The following PRDM16 variants were observed in gnomAD, a reference collection of about 807,000 sequenced individuals.
PRDM16 encodes the protein histone-lysine N-methyltransferase PRDM16.
A neutral mutation model predicts 110.6 loss-of-function variants in PRDM16; 23 were observed. The ratio of observed to expected loss-of-function variants is 0.21; its 90% CI spans 0.15 to 0.29. The LOEUF (loss-of-function observed/expected upper bound fraction) is 0.29, where lower values mean the gene tolerates loss of function less well. PRDM16 is among the 10% of genes least tolerant of loss of function. The pLI is 1.00. For synonymous variants in PRDM16, 799 were observed against 781.8 expected (o/e 1.02, Z -0.37); for missense variants, 1,615 against 1,794.3 (o/e 0.90, Z 1.81).
chr1:3,321,332 G>C (rs1178936380), intron 3 of PRDM16, among the ~76,000 whole-genome samples: 1 of 152,076 alleles, frequency 6.6e-6, no homozygotes, highest in Non-Finnish European at 1.5e-5. Context: ...GTCCGTGTGT[G>C]TGTGTACATT....
At chr1:3,130,465 T>C (rs1322207814) in intron 1 of PRDM16, among the ~76,000 whole-genome samples, 1 of 152,094 alleles carries the variant, frequency 6.6e-6, no homozygotes, top group East Asian at 1.9e-4. Flanking sequence ...TTTGGAAACA[T>C]GTGGAGACCT....
rs1557617161 is a variant in PRDM16, at chr1:3,335,636, CA to C, written c.439-49515del. Among the ~76,000 whole-genome samples the C allele has an allele frequency of 1.7e-4, 26 of 152,060 alleles. No individual in the cohort carries two copies. In the East Asian group the frequency reaches 1.9e-3, roughly 11 times the overall value. On this transcript the variant is annotated intron_variant, in intron 3 of 16. Transcript: ENST00000270722. ...ACACACACACACACACACACACACA[CA>C]CACACCCTTGGACATAAATCTGCAA...
rs1372874397 is a variant in PRDM16, at chr1:3,358,496, C to T, written c.439-26656C>T. Among the ~76,000 whole-genome samples the T allele has an allele frequency of 2.0e-5, 3 of 152,148 alleles. No individual in the cohort carries two copies. The highest frequency in any genetic ancestry group is 4.4e-5 in the Non-Finnish European group (3 of 68,034). ...CGCCCCAGACTCCCAGCCGCGGCTTCGGATGCAGCTGGAATAAGGTTCCAG... is the reference window on the plus strand; with the variant it reads ...CGCCCCAGACTCCCAGCCGCGGCTTTGGATGCAGCTGGAATAAGGTTCCAG... On this transcript the variant is annotated intron_variant, in intron 3 of 16. Coordinates refer to ENST00000270722, the MANE Select transcript of PRDM16 (RefSeq NM_022114.4). This position sits in a 1 kb window ranked among gnomAD's most constrained non-coding sequence, Gnocchi z 4.0.
chr1:3,224,902 T>C (rs574929267), intron 2 of PRDM16, among the ~76,000 whole-genome samples: 1 of 152,350 alleles, frequency 6.6e-6, no homozygotes, highest in African/African-American at 2.4e-5. Context: ...TGCTCCTTCC[T>C]GTTGGACGCA....
intron 1 of PRDM16, among the ~76,000 whole-genome samples, chr1:3,110,829 G>T (rs1288651426): frequency 6.6e-6 from 1 of 152,198 alleles, no homozygotes; most frequent in African/African-American, 2.4e-5. Flanking sequence ...CCACGTGTGA[G>T]GGGCACATGC....
At position 3,069,573 on chromosome 1, in the gene PRDM16, C is replaced by A. The variant is rs1641694720; in HGVS notation, c.37+277C>A. Among the ~76,000 whole-genome samples, 1 of 149,554 alleles carries A rather than the reference C, an allele frequency of 6.7e-6. No individual in the cohort carries two copies. Among genetic ancestry groups the A allele is most frequent in the South Asian group, 2.1e-4 (1 of 4,796 alleles). On this transcript the variant is annotated intron_variant, in intron 1 of 16. Coordinates refer to ENST00000270722, the MANE Select transcript of PRDM16 (RefSeq NM_022114.4). The surrounding 1 kb of genome is among the most constrained non-coding windows in gnomAD (Gnocchi z 6.1). ...CCCCCACCAGTGTCAGGCGCTCGGGCCCGGGAACCCGAGGCGCGCGGTGGG... is the reference window on the plus strand; with the variant it reads ...CCCCCACCAGTGTCAGGCGCTCGGGACCGGGAACCCGAGGCGCGCGGTGGG...
At chr1:3,229,989 C>T (rs74811628) in intron 2 of PRDM16, among the ~76,000 whole-genome samples, 2,639 of 152,306 alleles carry the variant, frequency 0.017, 77 homozygotes, top group African/African-American at 0.06. Context: ...GCTGCCCTGG[C>T]GCCCGCGTTT....
intron 3 of PRDM16, among the ~76,000 whole-genome samples, chr1:3,268,580 C>T (rs1179743252): frequency 6.6e-6 from 1 of 152,154 alleles, no homozygotes; most frequent in Non-Finnish European, 1.5e-5. Flanking sequence ...AGCCTTCACC[C>T]TCATTCCTAT....
intron 3 of PRDM16, among the ~76,000 whole-genome samples, chr1:3,335,456 C>T (rs773226330): frequency 6.6e-6 from 1 of 152,128 alleles, no homozygotes; most frequent in Non-Finnish European, 1.5e-5. Context: ...GTTAGCACGT[C>T]GCATGTCCGA....
At chr1:3,349,014 G>A (rs138644365) in intron 3 of PRDM16, among the ~76,000 whole-genome samples, 425 of 152,226 alleles carry the variant, frequency 2.8e-3, no homozygotes, top group Non-Finnish European at 5.1e-3. Flanking sequence ...CTGTGCTCCT[G>A]CCTTTGGTGG....
chr1:3,224,067 C>T (rs918129406), intron 2 of PRDM16, among the ~76,000 whole-genome samples: 4 of 152,180 alleles, frequency 2.6e-5, no homozygotes, highest in Admixed American at 1.3e-4. Context: ...GGCGGCCATA[C>T]ATCAGCCGGC....
chr1:3,356,931 G>A (rs1173570263), intron 3 of PRDM16, among the ~76,000 whole-genome samples: 2 of 152,182 alleles, frequency 1.3e-5, no homozygotes, highest in Non-Finnish European at 2.9e-5. Context: ...TGAGAGCCGG[G>A]TGGCTTTGCT....
chr1:3,186,457 A>G lies in PRDM16; in HGVS notation c.370A>G (p.Thr124Ala), dbSNP rs1454819058. 1.3e-6 allele frequency: 2 copies of G among 1,540,470 alleles called. No homozygotes were observed. Among genetic ancestry groups the G allele is most frequent in the Admixed American group, 2.1e-5 (1 of 48,304 alleles). The change falls in exon 2 of 17, where the codon ACA becomes GCA. Residue 124 changes from threonine (T) to alanine (A), a missense_variant. This residue lies in a region of PRDM16 where 416 missense variants were observed against 467.1 expected (regional missense o/e 0.89). Coordinates refer to ENST00000270722, the MANE Select transcript of PRDM16 (RefSeq NM_022114.4). Reference protein sequence around the residue: ...VVVPRAAAKETDFGWEQILTD... With the variant: ...VVVPRAAAKEADFGWEQILTD... ...GGTGCCCCGGGCGGCGGCAAAGGAG[A>G]CAGACTTCGGATGGGAGGTGAGCGA...
At chr1:3,125,726 T>C (rs1049293242) in intron 1 of PRDM16, among the ~76,000 whole-genome samples, 4 of 152,206 alleles carry the variant, frequency 2.6e-5, no homozygotes. Flanking sequence ...GGTTGGGCCA[T>C]TTGTAACGAG....
Position 3,213,385 on chromosome 1 carries a change from G to A in PRDM16, c.387+26911G>A, listed in dbSNP as rs895781473. Among the ~76,000 whole-genome samples the A allele has an allele frequency of 6.6e-6, 1 of 152,134 alleles. No individual in the cohort carries two copies. The highest frequency in any genetic ancestry group is 1.5e-5 in the Non-Finnish European group (1 of 68,038). On this transcript the variant is annotated intron_variant, in intron 2 of 16. Transcript: ENST00000270722. This position sits in a 1 kb window ranked among gnomAD's most constrained non-coding sequence, Gnocchi z 5.3. ...AGAGGGGTGTGGGGGCGGGATGGCG[G>A]GTCCTGGGCGTCTCGGCTCCGCCAT...
chr1:3,364,129 TC>T (rs767979510), intron 3 of PRDM16, among the ~76,000 whole-genome samples: 124 of 152,164 alleles, frequency 8.1e-4, no homozygotes, highest in Middle Eastern at 3.4e-3. Context: ...GCAGCCTCAG[TC>T]CTCCGAGAGC....
intron 1 of PRDM16, among the ~76,000 whole-genome samples, chr1:3,083,286 C>T (rs1269980382): frequency 3.9e-5 from 6 of 152,210 alleles, no homozygotes; most frequent in Admixed American, 1.3e-4. Context: ...GGCTGGGCCC[C>T]GGAACTGCAC....
intron 3 of PRDM16, among the ~76,000 whole-genome samples, chr1:3,299,443 G>A (rs79919700): frequency 3.8e-5 from 4 of 105,506 alleles, no homozygotes; most frequent in East Asian, 8.4e-4. Context: ...GATCCCAGTC[G>A]TGGTGACTCT....
intron 9 of PRDM16, among the ~76,000 whole-genome samples, chr1:3,414,251 G>C (rs1643742542): frequency 6.6e-6 from 1 of 152,208 alleles, no homozygotes; most frequent in African/African-American, 2.4e-5. Flanking sequence ...CTGGCAGCCA[G>C]GGGTCTTTGA....
Sources: gnomAD v4.1 joint callset for allele counts (sites outside exome capture counted in the v4.1 genomes callset) on GRCh38, gnomAD v4.1.1 for gene constraint, gnomAD v4.1.1 regional missense constraint, Gnocchi (gnomAD v3.1) non-coding constraint, MANE v1.5 for transcripts, NCBI Gene and HGNC (gene_info 2026-07-23, HGNC 2026-07-21) for gene names.